QRICH1: variants seen among roughly 807,000 people sequenced by gnomAD.
QRICH1 encodes the protein glutamine rich 1.
Under a neutral mutation model 87.1 loss-of-function variants are expected in QRICH1, and 16 were observed. The observed-to-expected ratio is 0.18, with a 90% CI of 0.12 to 0.28. QRICH1 has a LOEUF of 0.28. Among genes scored for constraint, QRICH1 ranks in the 10% least tolerant of loss-of-function variants. QRICH1 has a pLI of 1.00. For synonymous variants in QRICH1, 367 were observed against 368.4 expected (o/e 1.00, Z 0.05); for missense variants, 647 against 951.7 (o/e 0.68, Z 4.21).
At chr3:49,040,980 T>C (rs1026267375) in intron 6 of QRICH1, among the ~76,000 whole-genome samples, 20 of 152,222 alleles carry the variant, frequency 1.3e-4, no homozygotes, top group Non-Finnish European at 1.0e-4. Flanking sequence ...AGCATCTTTT[T>C]TTGGAGACAG....
intron 3 of QRICH1, among the ~76,000 whole-genome samples, chr3:49,051,643 C>T (rs2093371632): frequency 7.3e-6 from 1 of 137,024 alleles, no homozygotes; most frequent in Non-Finnish European, 1.5e-5. Flanking sequence ...AACTGAACAA[C>T]TCATAGCCAC....
At chr3:49,042,104 G>A (rs1472975593) in intron 6 of QRICH1, among the ~76,000 whole-genome samples, 2 of 145,226 alleles carry the variant, frequency 1.4e-5, no homozygotes, top group African/African-American at 2.6e-5. Context: ...GCGGGGGGGC[G>A]GGGGTGGCAC....
intron 1 of QRICH1, chr3:49,086,809 C>T (rs998131424): frequency 6.6e-6 from 1 of 152,044 alleles, no homozygotes; most frequent in Non-Finnish European, 1.5e-5. Flanking sequence ...TTTTGGGCCC[C>T]CTGTATGGCT....
chr3:49,076,688 A>AC (rs775918701), intron 2 of QRICH1, 21 bp downstream of exon 2: 6 of 1,512,246 alleles, frequency 4.0e-6, no homozygotes, highest in Non-Finnish European at 5.3e-6. Flanking sequence ...AACAGGCTGC[A>AC]CCTCAGCATT....
intron 1 of QRICH1, among the ~76,000 whole-genome samples, chr3:49,087,635 G>C (rs1445746010): frequency 6.6e-6 from 1 of 151,134 alleles, no homozygotes; most frequent in African/African-American, 2.4e-5. Context: ...TAGCACGCTG[G>C]AAGGCCGAGT....
rs2042019929 is a variant in QRICH1, at chr3:49,079,581, CAT to C, written c.-21-2545_-21-2544del. Among the ~76,000 whole-genome samples the C allele has an allele frequency of 2.0e-5, 3 of 151,380 alleles. No homozygotes were observed. The East Asian group carries it at 5.8e-4, about 29-fold the overall frequency. On this transcript the variant is annotated intron_variant, in intron 1 of 9. Coordinates refer to ENST00000395443, the MANE Select transcript of QRICH1 (RefSeq NM_198880.3). ...AGTGGTCAACGATGTCCACATCACA[CAT>C]AAAGAGAGCATCAGGCCAAGCACAC... is the stretch of plus-strand genomic sequence containing the variant.
intron 1 of QRICH1, among the ~76,000 whole-genome samples, chr3:49,091,341 A>G (rs1452858873): frequency 6.6e-6 from 1 of 152,210 alleles, no homozygotes; most frequent in Non-Finnish European, 1.5e-5. Flanking sequence ...AAAAGCAGAC[A>G]AGAAAGAAAT....
At chr3:49,039,682 A>G (rs1006491124) in intron 6 of QRICH1, among the ~76,000 whole-genome samples, 6 of 151,420 alleles carry the variant, frequency 4.0e-5, no homozygotes, top group Non-Finnish European at 8.8e-5. Flanking sequence ...CCAATACAGG[A>G]GAGGGGAAAC....
chr3:49,040,681 G>T (rs2106840778), intron 6 of QRICH1, among the ~76,000 whole-genome samples: 1 of 152,240 alleles, frequency 6.6e-6, no homozygotes, highest in Admixed American at 6.5e-5. Context: ...AAATTAAACA[G>T]GGATTAAAAC....
intron 6 of QRICH1, among the ~76,000 whole-genome samples, chr3:49,039,857 T>C (rs1255804601): frequency 1.3e-5 from 2 of 151,730 alleles, no homozygotes; most frequent in African/African-American, 4.8e-5. Context: ...GTCAGGAGTT[T>C]GAGACCAGCC....
At chr3:49,063,283 A>ACAG (rs988360794) in intron 2 of QRICH1, among the ~76,000 whole-genome samples, 2 of 152,212 alleles carry the variant, frequency 1.3e-5, no homozygotes, top group Admixed American at 6.5e-5. Context: ...TTCCATGCCA[A>ACAG]CAGCAGCAGC....
At chr3:49,030,746 A>ATAACTT in intron 9 of QRICH1, 102 bp from the exon 10 acceptor site, 3 of 1,043,736 alleles carry the variant, frequency 2.9e-6, no homozygotes, top group Non-Finnish European at 4.0e-6. Context: ...TAAGGCCCCA[A>ATAACTT]GTTATTGTGG....
intron 2 of QRICH1, among the ~76,000 whole-genome samples, chr3:49,075,348 AAGTC>A (rs1319973203): frequency 2.0e-5 from 3 of 150,740 alleles, no homozygotes; most frequent in Admixed American, 1.3e-4. Flanking sequence ...AAAAAAAAAA[AAGTC>A]AGGCGCCGTG....
Position 49,058,466 on chromosome 3 carries a change from T to C in QRICH1, c.310-576A>G, listed in dbSNP as rs1207623311. Among the ~76,000 whole-genome samples the C allele has an allele frequency of 3.3e-5, 5 of 152,118 alleles. No individual in the cohort carries two copies. The East Asian group carries it at 5.8e-4, about 18-fold the overall frequency. On this transcript the variant is annotated intron_variant, in intron 2 of 9. Coordinates refer to ENST00000395443, the MANE Select transcript of QRICH1 (RefSeq NM_198880.3). ...CCAGCCTCCCGAGTATCTGGGATTA[T>C]AGACATGTGCCACCATACCCAGCTA... is the stretch of plus-strand genomic sequence containing the variant.
At chr3:49,074,057 C>T (rs1333992410) in intron 2 of QRICH1, among the ~76,000 whole-genome samples, 4 of 152,108 alleles carry the variant, frequency 2.6e-5, no homozygotes, top group Non-Finnish European at 5.9e-5. Context: ...GCTGGGATTA[C>T]AGGCATTCAC....
chr3:49,065,168 C>A (rs1326581843), intron 2 of QRICH1, among the ~76,000 whole-genome samples: 1 of 149,572 alleles, frequency 6.7e-6, no homozygotes, highest in East Asian at 2.0e-4. Flanking sequence ...TGGAGTCTCA[C>A]TCTGTTGCCC....
rs1487930675 is a variant in QRICH1 at position 49,033,191 on chromosome 3, T to C, written c.1824A>G (p.Leu608=). ...VLPSHVTEEM[L]WECKQLGAHS... The stretch of plus-strand genomic sequence containing the variant: ...GAGCCCCAAGCTGCTTGCACTCCCA[T>C]AGCATCTCCTCAGTCACGTGGCTGG... The change falls in exon 7 of 10, where the codon CTA becomes CTG. Residue 608 remains leucine, a synonymous_variant. Transcript: ENST00000395443. The C allele has an allele frequency of 6.3e-7, 1 of 1,585,320 alleles. No homozygotes were observed. The highest frequency in any genetic ancestry group is 2.3e-5 in the East Asian group (1 of 43,234).
At chr3:49,033,073 A>G in intron 7 of QRICH1, 47 bp downstream of exon 7, 1 of 1,343,346 alleles carries the variant, frequency 7.4e-7, no homozygotes, top group Non-Finnish European at 1.0e-6. Flanking sequence ...TAGCTTCCAC[A>G]CTCTTCACTG....
Position 49,057,239 on chromosome 3 carries a change from C to T in QRICH1, c.961G>A (p.Asp321Asn). 2 of 1,614,070 alleles carry T rather than the reference C, an allele frequency of 1.2e-6. No homozygotes were observed. The highest frequency in any genetic ancestry group is 1.7e-6 in the Non-Finnish European group (2 of 1,180,010). Residue 321 changes from aspartate to asparagine, a missense_variant, in exon 3 of 10, where the codon GAC becomes AAC. By Grantham distance (23) the Asp-to-Asn change is conservative. Coordinates refer to ENST00000395443, the MANE Select transcript of QRICH1 (RefSeq NM_198880.3). The surrounding 1 kb of genome is among the most constrained non-coding windows in gnomAD (Gnocchi z 5.4). ...IPVYSAQPRG[D>N]PQQQSITHIA... is the part of the protein sequence containing the mutation. ...TGGGTAATGCTCTGCTGCTGAGGGT[C>T]CCCCCGGGGCTGGGCAGAATAAACA...
Sources: gnomAD v4.1 joint callset for allele counts (sites outside exome capture counted in the v4.1 genomes callset) on GRCh38, gnomAD v4.1.1 for gene constraint, Gnocchi (gnomAD v3.1) non-coding constraint, MANE v1.5 for transcripts, NCBI Gene and HGNC (gene_info 2026-07-23, HGNC 2026-07-21) for gene names.